The following PGBD5 variants were observed in gnomAD, a reference collection of about 807,000 sequenced individuals.
PGBD5 encodes piggyBac transposable element derived 5.
A neutral mutation model predicts 47.9 loss-of-function variants in PGBD5; 14 were observed. That is an observed-to-expected ratio of 0.29 (90% CI 0.19 to 0.46). PGBD5 has a LOEUF of 0.46. Among genes scored for constraint, PGBD5 ranks in the 20% least tolerant of loss-of-function variants. PGBD5 has a pLI of 1.00. For synonymous variants in PGBD5, 316 were observed against 306.3 expected (o/e 1.03, Z -0.33); for missense variants, 635 against 716.0 (o/e 0.89, Z 1.29).
At chr1:230,389,073 G>A (rs1456591521) in intron 1 of PGBD5, among the ~76,000 whole-genome samples, 1 of 152,218 alleles carries the variant, frequency 6.6e-6, no homozygotes, top group Non-Finnish European at 1.5e-5. Context: ...AGGTATGTGG[G>A]CCTAGCCCTC....
chr1:230,425,586 G>A lies in PGBD5; in HGVS notation c.331+12C>T. 1 of 1,219,230 alleles carries A rather than the reference G, an allele frequency of 8.2e-7. No homozygotes were observed. Among genetic ancestry groups the A allele is most frequent in the Non-Finnish European group, 1.0e-6 (1 of 980,114 alleles). 75.5% of individuals were successfully genotyped at this position (1,219,230 alleles called of 1,614,324 possible). A position where few individuals can be genotyped will look rare whatever the true frequency, so the allele number is the denominator to read the frequency against. On this transcript the variant is annotated intron_variant, in intron 1 of 6. Transcript: ENST00000391860. This position sits in a 1 kb window ranked among gnomAD's most constrained non-coding sequence, Gnocchi z 4.7. Reference sequence around the variant, plus strand: ...CGCCGCCCCCGACATCCACCCGCGGGCAGCCCCTTACCGCCGGTATCCTCG... The same window carrying A: ...CGCCGCCCCCGACATCCACCCGCGGACAGCCCCTTACCGCCGGTATCCTCG...
At chr1:230,386,544 C>T (rs956272394) in intron 1 of PGBD5, among the ~76,000 whole-genome samples, 5 of 152,160 alleles carry the variant, frequency 3.3e-5, no homozygotes, top group African/African-American at 1.2e-4. Flanking sequence ...CCATTTTCCA[C>T]GCAAATCCTA....
At chr1:230,367,705 T>G (rs1667859165) in intron 1 of PGBD5, among the ~76,000 whole-genome samples, 1 of 152,084 alleles carries the variant, frequency 6.6e-6, no homozygotes, top group Non-Finnish European at 1.5e-5. Flanking sequence ...TAAAAAATAA[T>G]AAAATTTAAA....
chr1:230,388,832 G>A (rs1368213341), intron 1 of PGBD5, among the ~76,000 whole-genome samples: 1 of 152,216 alleles, frequency 6.6e-6, no homozygotes, highest in Non-Finnish European at 1.5e-5. Flanking sequence ...CCCCTGGAAA[G>A]AAAAGCAGCA....
chr1:230,329,965 T>G (rs1187362738), intron 5 of PGBD5, among the ~76,000 whole-genome samples: 1 of 152,108 alleles, frequency 6.6e-6, no homozygotes, highest in Admixed American at 6.5e-5. Flanking sequence ...TATGAAGAAA[T>G]GAAAACTTTT....
rs1007514084 is a variant in PGBD5, at chr1:230,316,185, T to C, written c.*7240A>G. 2 of 44,524 alleles carry C rather than the reference T, an allele frequency of 4.5e-5. No homozygotes were observed. Among genetic ancestry groups the C allele is most frequent in the Non-Finnish European group, 1.2e-4 (2 of 16,754 alleles). 2.8% of individuals were successfully genotyped at this position (44,524 alleles called of 1,614,324 possible). On this transcript the variant is annotated 3_prime_UTR_variant, in exon 7 of 7. Coordinates refer to ENST00000391860, the MANE Select transcript of PGBD5 (RefSeq NM_001258311.2). ...ATGTGTATACATACATACGTACACA[T>C]GTGCATGTGTATACATACATATGTA...
intron 1 of PGBD5, among the ~76,000 whole-genome samples, chr1:230,413,435 G>A (rs1657454033): frequency 6.6e-6 from 1 of 152,060 alleles, no homozygotes; most frequent in African/African-American, 2.4e-5. Context: ...GGGAAGTAGG[G>A]GCTGCAGTGA....
rs1250876162 is a variant in PGBD5, at chr1:230,425,610, C to G, written c.319G>C (p.Glu107Gln). 7 of 1,219,858 alleles carry G rather than the reference C, an allele frequency of 5.7e-6. No homozygotes were observed. The Admixed American group carries it at 2.1e-4, about 37-fold the overall frequency. 75.6% of individuals were successfully genotyped at this position (1,219,858 alleles called of 1,614,324 possible). A position where few individuals can be genotyped will look rare whatever the true frequency, so the allele number is the denominator to read the frequency against. The change falls in exon 1 of 7, where the codon GAG (glutamate) becomes CAG (glutamine). Residue 107 changes from glutamate to glutamine, a missense_variant. Physicochemically the swap from Glu to Gln is conservative, Grantham distance 29. Transcript: ENST00000391860. The surrounding 1 kb of genome is among the most constrained non-coding windows in gnomAD (Gnocchi z 4.7). Reference protein sequence around the residue: ...ALRDRPPPRFEDTGGPTRKMP... With the variant: ...ALRDRPPPRFQDTGGPTRKMP... Reference sequence around the variant, plus strand: ...GGCAGCCCCTTACCGCCGGTATCCTCGAAGCGCGGGGGCGGGCGGTCCCGC... The same window carrying G: ...GGCAGCCCCTTACCGCCGGTATCCTGGAAGCGCGGGGGCGGGCGGTCCCGC...
At chr1:230,339,974 C>T (rs748288985) in intron 3 of PGBD5, among the ~76,000 whole-genome samples, 12 of 152,084 alleles carry the variant, frequency 7.9e-5, no homozygotes, top group African/African-American at 2.7e-4. Context: ...ATTGCCAAGA[C>T]GGTCGATTTT....
At chr1:230,380,425 G>C (rs1045645977) in intron 1 of PGBD5, among the ~76,000 whole-genome samples, 2 of 152,328 alleles carry the variant, frequency 1.3e-5, no homozygotes, top group Admixed American at 1.3e-4. Flanking sequence ...GTGGGGCCCT[G>C]CAGGGTTCCT....
rs749220837 is a variant in PGBD5, at chr1:230,356,882, C to T, written c.759+12G>A. The T allele has an allele frequency of 6.2e-6, 10 of 1,609,776 alleles. No individual in the cohort carries two copies. The highest frequency in any genetic ancestry group is 3.3e-5 in the Admixed American group (2 of 59,902). ...CACCTGGACAAGCTCTTACGTCCTG[C>T]GTGGGCCTCACCTGGGTTTGGGAAG... On this transcript the variant is annotated intron_variant, in intron 2 of 6. Coordinates refer to ENST00000391860, the MANE Select transcript of PGBD5 (RefSeq NM_001258311.2).
At chr1:230,385,575 G>A (rs1024189666) in intron 1 of PGBD5, among the ~76,000 whole-genome samples, 1 of 152,114 alleles carries the variant, frequency 6.6e-6, no homozygotes, top group Admixed American at 6.6e-5. Flanking sequence ...AGCACACAAA[G>A]GTGACTCACT....
chr1:230,329,528 T>C (rs924802534), intron 5 of PGBD5, among the ~76,000 whole-genome samples: 3 of 152,188 alleles, frequency 2.0e-5, no homozygotes, highest in Non-Finnish European at 4.4e-5. Flanking sequence ...ACATATATAT[T>C]TGAGACAGAG....
chr1:230,363,197 C>T (rs1380529532), intron 1 of PGBD5, among the ~76,000 whole-genome samples: 2 of 152,176 alleles, frequency 1.3e-5, no homozygotes, highest in Non-Finnish European at 2.9e-5. Context: ...TCCTGGGGGC[C>T]GCTCCTGCTC....
intron 1 of PGBD5, among the ~76,000 whole-genome samples, chr1:230,416,468 C>T (rs1301082504): frequency 6.6e-6 from 1 of 152,144 alleles, no homozygotes; most frequent in African/African-American, 2.4e-5. Flanking sequence ...ACCAGAATGT[C>T]CAAGGTCTCC....
intron 3 of PGBD5, among the ~76,000 whole-genome samples, chr1:230,343,322 T>A (rs1667434275): frequency 6.6e-6 from 1 of 152,184 alleles, no homozygotes; most frequent in Non-Finnish European, 1.5e-5. Context: ...CTGTACACAC[T>A]CATGTCTGTG....
intron 2 of PGBD5, among the ~76,000 whole-genome samples, chr1:230,356,213 C>T (rs867803036): frequency 1.4e-4 from 22 of 152,306 alleles, no homozygotes; most frequent in Middle Eastern, 3.4e-3. Flanking sequence ...GCTAGACCAG[C>T]CGGGCAAATT....
chr1:230,329,020 C>T (rs975794114), intron 5 of PGBD5, among the ~76,000 whole-genome samples: 1 of 151,900 alleles, frequency 6.6e-6, no homozygotes, highest in Non-Finnish European at 1.5e-5. Flanking sequence ...GCAGCCTCTA[C>T]CTCCTGGGCT....
chr1:230,385,148 G>A (rs529851003), intron 1 of PGBD5, among the ~76,000 whole-genome samples: 1 of 152,076 alleles, frequency 6.6e-6, no homozygotes, highest in Non-Finnish European at 1.5e-5. Context: ...TCTCGCGCAC[G>A]TGTTATTTTA....
Sources: allele counts gnomAD v4.1 joint callset (sites outside exome capture counted in the v4.1 genomes callset), GRCh38; gene constraint gnomAD v4.1.1; non-coding constraint Gnocchi (gnomAD v3.1); transcripts MANE v1.5; gene names NCBI Gene and HGNC (gene_info 2026-07-23, HGNC 2026-07-21).